SPAG16: variants seen among roughly 807,000 people sequenced by gnomAD.
The protein encoded by SPAG16 is sperm-associated antigen 16 protein.
Under a neutral mutation model 80.4 loss-of-function variants are expected in SPAG16, and 86 were observed. The ratio of observed to expected loss-of-function variants is 1.07; its 90% CI spans 0.90 to 1.28. SPAG16 has a LOEUF of 1.28. SPAG16 is among the 50% of genes most tolerant of loss of function. The pLI is 0.00. For synonymous variants in SPAG16, 294 were observed against 265.9 expected (o/e 1.11, Z -1.03); for missense variants, 870 against 765.3 (o/e 1.14, Z -1.61).
At chr2:213,350,238 T>C (rs1247389367) in intron 6 of SPAG16, among the ~76,000 whole-genome samples, 1 of 152,160 alleles carries the variant, frequency 6.6e-6, no homozygotes, top group African/African-American at 2.4e-5. Flanking sequence ...AAAAATTTCA[T>C]GGGTAGCAGC....
chr2:213,334,896 A>G (rs1002374026), intron 5 of SPAG16, among the ~76,000 whole-genome samples: 1 of 152,170 alleles, frequency 6.6e-6, no homozygotes, highest in South Asian at 2.1e-4. Context: ...TGTTAGCACA[A>G]TAGGGTCACT....
chr2:214,031,346 C>T (rs866478106), intron 13 of SPAG16, among the ~76,000 whole-genome samples: 1 of 145,154 alleles, frequency 6.9e-6, no homozygotes, highest in African/African-American at 2.6e-5. Context: ...GGACAAAAAA[C>T]CAAACACCGC....
At chr2:213,788,964 C>A (rs1427251713) in intron 10 of SPAG16, among the ~76,000 whole-genome samples, 1 of 151,806 alleles carries the variant, frequency 6.6e-6, no homozygotes, top group South Asian at 2.1e-4. Context: ...GTTTTTATAG[C>A]ATCATTTGCT....
chr2:213,407,696 G>C (rs188855204), intron 9 of SPAG16, among the ~76,000 whole-genome samples: 28 of 148,252 alleles, frequency 1.9e-4, no homozygotes, highest in African/African-American at 6.9e-4. Context: ...AGACAGAAGA[G>C]AGAGAGAGAG....
At chr2:214,351,809 C>T in intron 15 of SPAG16, among the ~76,000 whole-genome samples, 1 of 147,364 alleles carries the variant, frequency 6.8e-6, no homozygotes, top group East Asian at 2.0e-4. Flanking sequence ...TTAACTTCTA[C>T]AATGAACGTA....
intron 10 of SPAG16, among the ~76,000 whole-genome samples, chr2:213,518,169 A>G (rs1260614392): frequency 6.6e-6 from 1 of 152,220 alleles, no homozygotes; most frequent in African/African-American, 2.4e-5. Flanking sequence ...AACAACACAT[A>G]CAAGTGGCCA....
At chr2:213,842,666 T>A (rs2074420257) in intron 10 of SPAG16, among the ~76,000 whole-genome samples, 1 of 152,252 alleles carries the variant, frequency 6.6e-6, no homozygotes, top group African/African-American at 2.4e-5. Flanking sequence ...GTTCATCTCC[T>A]TCTGCATATG....
At chr2:213,653,330 GGGACT>G (rs2063095663) in intron 10 of SPAG16, among the ~76,000 whole-genome samples, 1 of 152,112 alleles carries the variant, frequency 6.6e-6, no homozygotes, top group Non-Finnish European at 1.5e-5. Flanking sequence ...TATAAGCTGT[GGGACT>G]AATACTTGTC....
chr2:214,012,280 A>ATTTTTTTTTTTTTTTTTTTTTT, intron 12 of SPAG16, among the ~76,000 whole-genome samples: 1 of 46,386 alleles, frequency 2.2e-5, no homozygotes, highest in African/African-American at 1.1e-4. Flanking sequence ...ATATATATAT[A>ATTTTTTTTTTTTTTTTTTTTTT]TATATATATT....
intron 15 of SPAG16, among the ~76,000 whole-genome samples, chr2:214,248,978 T>C (rs1026969567): frequency 6.6e-6 from 1 of 152,140 alleles, no homozygotes; most frequent in Admixed American, 6.6e-5. Flanking sequence ...TTTGGCATAC[T>C]TGAAAAACAA....
At chr2:213,850,680 G>A (rs941462132) in intron 10 of SPAG16, among the ~76,000 whole-genome samples, 1 of 144,154 alleles carries the variant, frequency 6.9e-6, no homozygotes, top group East Asian at 2.0e-4. Context: ...TTCGAGAAGA[G>A]AAATTCTGTT....
At chr2:214,097,400 G>A (rs774479184) in intron 13 of SPAG16, among the ~76,000 whole-genome samples, 38 of 152,098 alleles carry the variant, frequency 2.5e-4, no homozygotes, top group Non-Finnish European at 5.3e-4. Flanking sequence ...GATGTGAGGG[G>A]CTGGCAGGTG....
At chr2:213,853,132 T>G (rs1001423077) in intron 10 of SPAG16, among the ~76,000 whole-genome samples, 2 of 152,204 alleles carry the variant, frequency 1.3e-5, no homozygotes, top group Non-Finnish European at 2.9e-5. Flanking sequence ...GTGGCAATAA[T>G]TAGAGCCTGT....
Position 214,013,975 on chromosome 2 carries a change from T to C in SPAG16, c.1425T>C (p.Tyr475=), listed in dbSNP as rs762489796. 1.7e-5 allele frequency: 28 copies of C among 1,612,562 alleles called. No homozygotes were observed. Among genetic ancestry groups the C allele is most frequent in the South Asian group, 1.2e-4 (11 of 91,060 alleles). ...GTGAAAGATGCAGATGTACTTTGTA[T>C]GGACATACAGATTCTGTGAACAGCA... is the stretch of plus-strand genomic sequence containing the variant. ...VNSERCRCTL[Y]GHTDSVNSIE... is the part of the protein sequence containing the mutation. The change falls in exon 13 of 16, where the codon TAT becomes TAC. Residue 475 remains tyrosine, a synonymous_variant. Transcript: ENST00000331683.
At chr2:213,542,298 A>G (rs1255200580) in intron 10 of SPAG16, among the ~76,000 whole-genome samples, 1 of 152,168 alleles carries the variant, frequency 6.6e-6, no homozygotes, top group Non-Finnish European at 1.5e-5. Flanking sequence ...CCTAGCTAAT[A>G]TAATTATTTT....
intron 6 of SPAG16, among the ~76,000 whole-genome samples, chr2:213,344,460 T>C (rs2064861227): frequency 6.6e-6 from 1 of 152,002 alleles, no homozygotes; most frequent in Non-Finnish European, 1.5e-5. Flanking sequence ...ACATGTGCCA[T>C]GTTGGTGTGC....
intron 10 of SPAG16, among the ~76,000 whole-genome samples, chr2:213,682,796 C>A (rs1316570378): frequency 6.6e-6 from 1 of 152,094 alleles, no homozygotes; most frequent in Non-Finnish European, 1.5e-5. Context: ...GTCATGCTGA[C>A]ATTAGTCATT....
intron 10 of SPAG16, among the ~76,000 whole-genome samples, chr2:213,498,435 A>G (rs931916528): frequency 2.0e-5 from 3 of 152,188 alleles, no homozygotes; most frequent in Admixed American, 2.0e-4. Flanking sequence ...ATATTGTCAT[A>G]TTGGTTTATA....
chr2:214,120,022 T>C (rs2054137176), intron 14 of SPAG16, among the ~76,000 whole-genome samples: 1 of 152,012 alleles, frequency 6.6e-6, no homozygotes, highest in Non-Finnish European at 1.5e-5. Context: ...GCTTCTTTTT[T>C]GTTTTTCTCT....
Sources: gnomAD v4.1 joint callset for allele counts (sites outside exome capture counted in the v4.1 genomes callset) on GRCh38, gnomAD v4.1.1 for gene constraint, MANE v1.5 for transcripts, NCBI Gene and HGNC (gene_info 2026-07-23, HGNC 2026-07-21) for gene names.